Variants in RERE observed in about 807,000 individuals in gnomAD.
RERE encodes the protein arginine-glutamic acid dipeptide repeats.
In RERE, 40 loss-of-function variants were observed where a neutral mutation model predicts 146.1. That is an observed-to-expected ratio of 0.27 (90% confidence interval 0.21 to 0.36). The LOEUF is 0.36. Ranked by LOEUF, RERE falls within the 10% of genes least tolerant of loss-of-function variation. The probability of loss-of-function intolerance (pLI) is 1.00; values close to 1 mark genes in which losing one functional copy is unlikely to be tolerated. For missense variants in RERE, 1,933 were observed against 2,138.7 expected (o/e 0.90, Z 1.90); for synonymous variants, 1,003 against 866.0 (o/e 1.16, Z -2.78).
intron 1 of RERE, chr1:8,786,172 T>C (rs954866909): frequency 3.2e-6 from 2 of 619,968 alleles, no homozygotes; most frequent in Non-Finnish European, 5.7e-6. Flanking sequence ...CTGATCAGAC[T>C]AGAAAAATAA....
At chr1:8,373,694 T>G (rs541107802) in intron 12 of RERE, among the ~76,000 whole-genome samples, 55 of 152,252 alleles carry the variant, frequency 3.6e-4, no homozygotes, top group Non-Finnish European at 2.2e-4. Context: ...TGCTGCCGAG[T>G]GCAGTCAGGA....
chr1:8,418,125 A>G (rs192026629), intron 12 of RERE, among the ~76,000 whole-genome samples: 42 of 152,284 alleles, frequency 2.8e-4, no homozygotes, highest in African/African-American at 9.9e-4. Flanking sequence ...CAGGGATGGC[A>G]CCTTGCTTCT....
intron 1 of RERE, among the ~76,000 whole-genome samples, chr1:8,776,390 C>T (rs914587300): frequency 2.6e-5 from 4 of 151,870 alleles, no homozygotes; most frequent in Non-Finnish European, 4.4e-5. Flanking sequence ...CTCTGCTTCC[C>T]AGGTTCAAGC....
At chr1:8,466,196 C>T (rs770511276) in intron 10 of RERE, among the ~76,000 whole-genome samples, 173 bp from the exon 11 acceptor site, 6 of 152,118 alleles carry the variant, frequency 3.9e-5, no homozygotes, top group Non-Finnish European at 7.4e-5. Context: ...ACCACCCTAT[C>T]CCAACCCCTA....
At chr1:8,512,436 CTT>C (rs1645354186) in intron 7 of RERE, among the ~76,000 whole-genome samples, 1 of 151,752 alleles carries the variant, frequency 6.6e-6, no homozygotes, top group Non-Finnish European at 1.5e-5. Flanking sequence ...CTTTTACACT[CTT>C]AATAATTACT....
chr1:8,616,435 T>C (rs923692878), intron 3 of RERE, among the ~76,000 whole-genome samples: 4 of 152,166 alleles, frequency 2.6e-5, no homozygotes, highest in Non-Finnish European at 5.9e-5. Context: ...AGCATCCATA[T>C]ATACATACAA....
intron 12 of RERE, among the ~76,000 whole-genome samples, chr1:8,417,933 A>C (rs1570191591): frequency 6.6e-6 from 1 of 152,116 alleles, no homozygotes; most frequent in Non-Finnish European, 1.5e-5. Flanking sequence ...CTACCCTCCC[A>C]ACCTGGGCCT....
At chr1:8,520,987 TA>T (rs1025670979) in intron 7 of RERE, among the ~76,000 whole-genome samples, 3 of 151,706 alleles carry the variant, frequency 2.0e-5, no homozygotes, top group Non-Finnish European at 4.4e-5. Flanking sequence ...GGAAATGTTA[TA>T]AAAAAACATG....
At chr1:8,414,905 G>C (rs1643719745) in intron 12 of RERE, among the ~76,000 whole-genome samples, 1 of 152,008 alleles carries the variant, frequency 6.6e-6, no homozygotes, top group African/African-American at 2.4e-5. Flanking sequence ...GAGCAGCTGG[G>C]ACTGAGACTG....
chr1:8,585,557 C>T (rs529084024), intron 4 of RERE, among the ~76,000 whole-genome samples: 3 of 152,248 alleles, frequency 2.0e-5, no homozygotes, highest in African/African-American at 4.8e-5. Flanking sequence ...GGATGGAACA[C>T]CTTGGCATAG....
chr1:8,757,051 T>C (rs898723915), intron 1 of RERE, among the ~76,000 whole-genome samples: 14 of 145,018 alleles, frequency 9.7e-5, no homozygotes, highest in Admixed American at 7.2e-4. Context: ...GATTGTGCCA[T>C]TGCACTCCAA....
intron 7 of RERE, among the ~76,000 whole-genome samples, chr1:8,512,298 G>A (rs1409826721): frequency 6.6e-6 from 1 of 151,856 alleles, no homozygotes; most frequent in East Asian, 1.9e-4. Flanking sequence ...CTCCCAAAGT[G>A]CTGGGATTAC....
At chr1:8,770,118 A>G (rs535231770) in intron 1 of RERE, among the ~76,000 whole-genome samples, 1 of 152,234 alleles carries the variant, frequency 6.6e-6, no homozygotes, top group East Asian at 1.9e-4. Flanking sequence ...GTACACTAAT[A>G]TATTGGAAAT....
rs1641527839 is a variant in RERE, at chr1:8,360,603, G to A, written c.2904C>T (p.Ala968=). 1 of 1,511,150 alleles carries A rather than the reference G, an allele frequency of 6.6e-7. No individual in the cohort carries two copies. Among genetic ancestry groups the A allele is most frequent in the East Asian group, 2.3e-5 (1 of 42,696 alleles). The allele number at this position is 1,511,150 out of a possible 1,614,324, so 93.6% of individuals were successfully genotyped here. ...SMNANLPPPP[A]LKPLSSLSTH... The stretch of plus-strand genomic sequence containing the variant: ...TGGACAGGGAGCTCAGGGGCTTCAG[G>A]GCTGGAGGGGGAGGCAGGTTGGCAT... Residue 968 remains alanine, a synonymous_variant, in exon 18 of 23, where the codon GCC becomes GCT. Coordinates refer to ENST00000400908, the MANE Select transcript of RERE (RefSeq NM_001042681.2).
chr1:8,443,907 T>A (rs1644284851), intron 11 of RERE, among the ~76,000 whole-genome samples: 1 of 152,114 alleles, frequency 6.6e-6, no homozygotes, highest in Admixed American at 6.5e-5. Flanking sequence ...AGAGGATGTA[T>A]CAGGTGCCCA....
chr1:8,551,800 G>A (rs1425387011), intron 6 of RERE, among the ~76,000 whole-genome samples: 1 of 152,162 alleles, frequency 6.6e-6, no homozygotes, highest in Non-Finnish European at 1.5e-5. Flanking sequence ...TAGCTCAAAC[G>A]TTAAAAAACG....
At chr1:8,585,225 T>C (rs1322578332) in intron 4 of RERE, among the ~76,000 whole-genome samples, 1 of 151,730 alleles carries the variant, frequency 6.6e-6, no homozygotes, top group Non-Finnish European at 1.5e-5. Context: ...GAAATCTGTC[T>C]GAAAGAAAAG....
chr1:8,492,753 T>A (rs1461803960), intron 10 of RERE, among the ~76,000 whole-genome samples: 1 of 152,008 alleles, frequency 6.6e-6, no homozygotes, highest in Non-Finnish European at 1.5e-5. Context: ...AATTTTTATT[T>A]AATTAGTCAA....
chr1:8,804,499 T>C (rs2124595663), intron 1 of RERE, among the ~76,000 whole-genome samples: 1 of 152,302 alleles, frequency 6.6e-6, no homozygotes, highest in East Asian at 1.9e-4. Flanking sequence ...CTTCCCTTCC[T>C]CCAGAGTAAG....
Sources: allele counts gnomAD v4.1 joint callset (sites outside exome capture counted in the v4.1 genomes callset), GRCh38; gene constraint gnomAD v4.1.1; transcripts MANE v1.5; gene names NCBI Gene and HGNC (gene_info 2026-07-23, HGNC 2026-07-21).